ARHGEF3: variants seen among roughly 807,000 people sequenced by gnomAD.
ARHGEF3 encodes the protein 59.8 kDA protein.
In ARHGEF3, 28 loss-of-function variants were observed where a neutral mutation model predicts 63.2. The ratio of observed to expected loss-of-function variants is 0.44; its 90% CI spans 0.33 to 0.61. The LOEUF (loss-of-function observed/expected upper bound fraction) is 0.61. Ranked by LOEUF, ARHGEF3 falls within the 20% of genes least tolerant of loss-of-function variation. The pLI is 0.03. For missense variants in ARHGEF3, 533 were observed against 659.3 expected (o/e 0.81, Z 2.10); for synonymous variants, 266 against 254.2 (o/e 1.05, Z -0.44).
rs1175373277 is a variant in ARHGEF3, at chr3:56,753,516, T to C, written c.426A>G (p.Lys142=). Residue 142 remains lysine, a synonymous_variant, in exon 4 of 10, where the codon AAA becomes AAG. Coordinates refer to ENST00000296315, the MANE Select transcript of ARHGEF3 (RefSeq NM_019555.3). ...QGEEDLIEDL[K]LAKKAYHDPM... is the part of the protein sequence containing the mutation. ...GATTTAAATTTACCTTTTTTGCTAA[T>C]TTCAAGTCTTCTATCAAGTCTTCTT... The C allele has an allele frequency of 1.2e-6, 2 of 1,613,338 alleles. No individual in the cohort carries two copies. The highest frequency in any genetic ancestry group is 8.5e-7 in the Non-Finnish European group (1 of 1,179,846).
At chr3:56,734,436 T>C (rs2033457792) in intron 8 of ARHGEF3, among the ~76,000 whole-genome samples, 1 of 151,698 alleles carries the variant, frequency 6.6e-6, no homozygotes, top group African/African-American at 2.4e-5. Context: ...CAAGAGGGAG[T>C]GAGAGGGGCA....
At chr3:56,820,080 G>A (rs2038422150) in intron 4 of ARHGEF3, among the ~76,000 whole-genome samples, 1 of 152,192 alleles carries the variant, frequency 6.6e-6, no homozygotes. Context: ...AAAATGTTGG[G>A]ATTACAGGGG....
At chr3:56,792,643 T>C (rs889050824) in intron 1 of ARHGEF3, among the ~76,000 whole-genome samples, 1 of 152,188 alleles carries the variant, frequency 6.6e-6, no homozygotes, top group Non-Finnish European at 1.5e-5. Flanking sequence ...AATATGAAAG[T>C]GCCTAAAACT....
intron 4 of ARHGEF3, among the ~76,000 whole-genome samples, chr3:56,820,794 A>G (rs1369021963): frequency 6.6e-6 from 1 of 152,246 alleles, no homozygotes; most frequent in African/African-American, 2.4e-5. Flanking sequence ...AGGACATGCA[A>G]CTTTGGACTG....
In ARHGEF3 at chr3:56,729,465, G is replaced by T; in HGVS notation, c.1386C>A (p.Asp462Glu). The change falls in exon 10 of 10, where the codon GAC (aspartate) becomes GAA (glutamate). Residue 462 changes from aspartate to glutamate, a missense_variant. This residue lies in a region of ARHGEF3 where 115 missense variants were observed against 103.4 expected (regional missense o/e 1.11). Coordinates refer to ENST00000296315, the MANE Select transcript of ARHGEF3 (RefSeq NM_019555.3). ...LCAAGQAGVLDSEGSFLNPTT... is the reference protein window; with the variant it reads ...LCAAGQAGVLESEGSFLNPTT... The stretch of plus-strand genomic sequence containing the variant: ...TGGGATTTAGGAACGATCCCTCGGA[G>T]TCAAGCACCCCAGCTTGCCCGGCAG... The T allele has an allele frequency of 6.2e-7, 1 of 1,614,164 alleles. No homozygotes were observed. Among genetic ancestry groups the T allele is most frequent in the East Asian group, 2.2e-5 (1 of 44,888 alleles).
At chr3:56,944,552 G>T (rs1228237173) in intron 3 of ARHGEF3, among the ~76,000 whole-genome samples, 1 of 144,304 alleles carries the variant, frequency 6.9e-6, no homozygotes, top group Non-Finnish European at 1.5e-5. Context: ...TTATGGATGA[G>T]CAAAGAAAGT....
intron 1 of ARHGEF3, among the ~76,000 whole-genome samples, chr3:57,049,706 A>G (rs2107297347): frequency 6.6e-6 from 1 of 152,324 alleles, no homozygotes; most frequent in East Asian, 1.9e-4. Context: ...TGACAAGAGG[A>G]GAAATCAGAA....
intron 4 of ARHGEF3, among the ~76,000 whole-genome samples, chr3:56,835,322 C>T (rs1175312894): frequency 1.3e-5 from 2 of 151,860 alleles, no homozygotes; most frequent in Admixed American, 6.6e-5. Flanking sequence ...ATTACAGGCA[C>T]GTACCACCAT....
chr3:56,919,776 C>T (rs886148245), intron 3 of ARHGEF3, among the ~76,000 whole-genome samples: 4 of 152,114 alleles, frequency 2.6e-5, no homozygotes, highest in African/African-American at 9.7e-5. Flanking sequence ...CCAAAGTAGG[C>T]CTTATTATTA....
intron 1 of ARHGEF3, among the ~76,000 whole-genome samples, chr3:57,061,677 T>A (rs1224504496): frequency 6.6e-6 from 1 of 152,234 alleles, no homozygotes; most frequent in Admixed American, 6.5e-5. Flanking sequence ...CTGGACTATA[T>A]GATACCTCTA....
chr3:56,885,571 G>A (rs1037731099), intron 3 of ARHGEF3, among the ~76,000 whole-genome samples: 1 of 152,138 alleles, frequency 6.6e-6, no homozygotes, highest in Non-Finnish European at 1.5e-5. Context: ...AATAAGAGAA[G>A]CTCCTCTCCT....
intron 1 of ARHGEF3, among the ~76,000 whole-genome samples, chr3:57,071,111 A>AGAC (rs1705876233): frequency 1.3e-5 from 2 of 152,232 alleles, no homozygotes; most frequent in Admixed American, 1.3e-4. Flanking sequence ...GCATAAGGAT[A>AGAC]GACATATAGA....
chr3:56,981,382 G>A (rs1278682081), intron 2 of ARHGEF3, among the ~76,000 whole-genome samples: 1 of 152,182 alleles, frequency 6.6e-6, no homozygotes, highest in Non-Finnish European at 1.5e-5. Context: ...TTACCAGACT[G>A]AAAAGTTGGC....
intron 3 of ARHGEF3, among the ~76,000 whole-genome samples, chr3:56,899,590 T>C (rs959446499): frequency 1.3e-5 from 2 of 152,210 alleles, no homozygotes; most frequent in Non-Finnish European, 2.9e-5. Context: ...AAACTTTCCA[T>C]TAAATATAAA....
chr3:56,904,982 CG>C (rs1014164702), intron 3 of ARHGEF3, among the ~76,000 whole-genome samples: 2 of 152,148 alleles, frequency 1.3e-5, no homozygotes, highest in Non-Finnish European at 2.9e-5. Flanking sequence ...TTTAATACAC[CG>C]AATACTCTGC....
At chr3:56,830,684 C>G (rs1217308734) in intron 4 of ARHGEF3, among the ~76,000 whole-genome samples, 5 of 152,190 alleles carry the variant, frequency 3.3e-5, no homozygotes, top group Admixed American at 6.5e-5. Context: ...CTCTCAGCCC[C>G]CCTTTCCTGC....
At chr3:56,888,931 A>C (rs941907547) in intron 3 of ARHGEF3, among the ~76,000 whole-genome samples, 2 of 141,174 alleles carry the variant, frequency 1.4e-5, no homozygotes, top group African/African-American at 5.0e-5. Context: ...AAAACAAAAA[A>C]CAAAAATGAC....
chr3:57,013,943 C>T (rs573624807), intron 2 of ARHGEF3, among the ~76,000 whole-genome samples: 3 of 152,228 alleles, frequency 2.0e-5, no homozygotes, highest in Non-Finnish European at 4.4e-5. Flanking sequence ...GGGTCAATTT[C>T]CACTCTGGGG....
intron 2 of ARHGEF3, among the ~76,000 whole-genome samples, chr3:57,028,754 G>C (rs903319779): frequency 6.9e-4 from 29 of 42,222 alleles, no homozygotes; most frequent in Admixed American, 4.4e-3. Context: ...TGTAAAACGG[G>C]GTGAACAATA....
Sources: gnomAD v4.1 joint callset for allele counts (sites outside exome capture counted in the v4.1 genomes callset) on GRCh38, gnomAD v4.1.1 for gene constraint, gnomAD v4.1.1 regional missense constraint, MANE v1.5 for transcripts, NCBI Gene and HGNC (gene_info 2026-07-23, HGNC 2026-07-21) for gene names.